The following SNRPN variants were observed in gnomAD, a reference collection of about 807,000 sequenced individuals.
The protein encoded by SNRPN is small nuclear ribonucleoprotein polypeptide N.
In SNRPN, 7 loss-of-function variants were observed where a neutral mutation model predicts 25.2. That is an observed-to-expected ratio of 0.28 (90% CI 0.16 to 0.52). SNRPN has a LOEUF of 0.52. Among genes scored for constraint, SNRPN ranks in the 20% least tolerant of loss-of-function variants. The probability of loss-of-function intolerance (pLI) is 0.96; values close to 1 mark genes in which losing one functional copy is unlikely to be tolerated. For missense variants in SNRPN, 196 were observed against 322.5 expected, an observed-to-expected ratio of 0.61 and a Z score of 3.00; for synonymous variants, 124 against 110.6, an observed-to-expected ratio of 1.12 and a Z score of -0.76.
At chr15:24,854,724 G>A (rs553338992), upstream of SNRPN, among the ~76,000 whole-genome samples, 1 of 152,298 alleles carries the variant, frequency 6.6e-6, no homozygotes, top group Non-Finnish European at 1.5e-5. Flanking sequence ...TAGCCCAGTT[G>A]GCCAGGAGCT....
intron 2 of SNRPN, among the ~76,000 whole-genome samples, chr15:24,888,920 T>C (rs939478597): frequency 1.3e-5 from 2 of 152,076 alleles, no homozygotes; most frequent in Non-Finnish European, 2.9e-5. Context: ...TTTCTTTTCT[T>C]TTTTTATTTT....
chr15:24,932,648 GT>G (rs71127027), intron 3 of SNRPN, among the ~76,000 whole-genome samples: 78 of 145,074 alleles, frequency 5.4e-4, no homozygotes, highest in South Asian at 1.6e-3. Context: ...GTCTGTAAAT[GT>G]TTTTTTTTTT....
intron 1 of SNRPN, among the ~76,000 whole-genome samples, chr15:24,874,910 A>G (rs1205138228): frequency 2.0e-5 from 3 of 152,214 alleles, no homozygotes; most frequent in Admixed American, 2.0e-4. Context: ...TATTCTGCTT[A>G]TATTTTCCAT....
rs543862381 is a variant in SNRPN, at chr15:24,894,787, GTCTGTTT to G, written c.-505+8201_-505+8207del. Among the ~76,000 whole-genome samples the G allele has an allele frequency of 1.9e-3, 288 of 152,298 alleles. 1 individual carries two copies. The highest frequency in any genetic ancestry group is 6.4e-3 in the African/African-American group (268 of 41,568). ...AAATTCTCACCTTGCACAGGCTTGT[GTCTGTTT>G]TCCAGAATCCTACCTGCAGACTCCA... On this transcript the variant is annotated intron_variant, in intron 2 of 11. Coordinates refer to the SNRPN transcript ENST00000400097.
At chr15:24,962,569 CT>C (rs2074998478) in intron 2 of SNRPN, among the ~76,000 whole-genome samples, 1 of 152,068 alleles carries the variant, frequency 6.6e-6, no homozygotes, top group Non-Finnish European at 1.5e-5. Flanking sequence ...CATATTCATT[CT>C]TGCTCTGTGA....
intron 2 of SNRPN, among the ~76,000 whole-genome samples, chr15:24,965,593 CA>C (rs1395981087): frequency 6.6e-6 from 1 of 152,154 alleles, no homozygotes; most frequent in Admixed American, 6.6e-5. Flanking sequence ...TTCTGTCTTT[CA>C]GTGTATTTGT....
At chr15:24,977,983 C>T (rs2077259097) in intron 8 of SNRPN, 67 bp downstream of exon 8, 1 of 1,431,694 alleles carries the variant, frequency 7.0e-7, no homozygotes, top group African/African-American at 1.4e-5. Context: ...TGATTTAAGA[C>T]ACAGCCTGAG....
intron 2 of SNRPN, among the ~76,000 whole-genome samples, chr15:24,845,876 AG>A (rs1442663313): frequency 1.4e-4 from 21 of 151,894 alleles, no homozygotes; most frequent in African/African-American, 3.9e-4. Flanking sequence ...CGACGTCAGG[AG>A]CTTGAGACCA....
intron 2 of SNRPN, among the ~76,000 whole-genome samples, chr15:24,845,884 AC>A (rs537412805): frequency 2.7e-3 from 408 of 152,038 alleles, no homozygotes; most frequent in African/African-American, 9.5e-3. Flanking sequence ...GGAGCTTGAG[AC>A]CAGCCTGACC....
At chr15:24,873,638 G>A (rs976578977) in intron 1 of SNRPN, among the ~76,000 whole-genome samples, 6 of 151,904 alleles carry the variant, frequency 3.9e-5, no homozygotes, top group Admixed American at 1.3e-4. Flanking sequence ...TAGTAGAGAC[G>A]GGGTTTCACC....
chr15:24,972,778 G>C (rs1467041201), intron 3 of SNRPN, among the ~76,000 whole-genome samples: 3 of 139,694 alleles, frequency 2.1e-5, no homozygotes, highest in African/African-American at 8.7e-5. Flanking sequence ...ATGCATGCTT[G>C]ATTACGGTCA....
chr15:24,885,369 CA>C (rs2057101300), intron 1 of SNRPN, among the ~76,000 whole-genome samples: 1 of 152,166 alleles, frequency 6.6e-6, no homozygotes. Context: ...ACAGTGGGGT[CA>C]AAAGGTGTTC....
chr15:24,875,922 C>T (rs1188672200), intron 1 of SNRPN, among the ~76,000 whole-genome samples: 3 of 151,934 alleles, frequency 2.0e-5, no homozygotes, highest in East Asian at 3.9e-4. Flanking sequence ...GACATGGTGG[C>T]ACATGCCTGC....
At chr15:24,932,489 C>T (rs1216755244) in intron 3 of SNRPN, among the ~76,000 whole-genome samples, 7 of 152,240 alleles carry the variant, frequency 4.6e-5, no homozygotes, top group Non-Finnish European at 5.9e-5. Flanking sequence ...CTGCCTCAGC[C>T]TCCTGAAGTG....
intron 3 of SNRPN, among the ~76,000 whole-genome samples, chr15:24,944,948 G>A (rs967075300): frequency 1.6e-4 from 24 of 152,074 alleles, no homozygotes; most frequent in Non-Finnish European, 2.9e-4. Context: ...GAATGGATGA[G>A]GTCCACCCAT....
At chr15:24,845,455 G>A (rs776258625) in intron 2 of SNRPN, among the ~76,000 whole-genome samples, 8 of 152,140 alleles carry the variant, frequency 5.3e-5, no homozygotes, top group Middle Eastern at 3.4e-3. Context: ...AAAATTAGCC[G>A]AGTGTGGTGG....
intron 2 of SNRPN, among the ~76,000 whole-genome samples, chr15:24,839,262 A>T (rs940581745): frequency 5.9e-5 from 9 of 152,044 alleles, no homozygotes; most frequent in Admixed American, 5.9e-4. Context: ...CAGGGTGCAT[A>T]CAAAGCCCAT....
intron 3 of SNRPN, among the ~76,000 whole-genome samples, chr15:24,940,773 T>C (rs2153040252): frequency 6.6e-6 from 1 of 152,130 alleles, no homozygotes; most frequent in Admixed American, 6.6e-5. Context: ...TGTGTTTGTG[T>C]GTGTGAGTGA....
chr15:24,915,763 T>C (rs1419198891), intron 2 of SNRPN, among the ~76,000 whole-genome samples: 1 of 152,182 alleles, frequency 6.6e-6, no homozygotes, highest in African/African-American at 2.4e-5. Flanking sequence ...GTAATTTGAC[T>C]TTTAAAAATC....
Sources: allele counts gnomAD v4.1 joint callset (sites outside exome capture counted in the v4.1 genomes callset), GRCh38; gene constraint gnomAD v4.1.1; transcripts MANE v1.5; gene names NCBI Gene and HGNC (gene_info 2026-07-23, HGNC 2026-07-21).